Variants in FBXL5 observed in about 807,000 individuals in gnomAD.
FBXL5 encodes F-box/LRR-repeat protein 5.
In FBXL5, 26 loss-of-function variants were observed where a neutral mutation model predicts 78.3. The observed-to-expected ratio is 0.33, with a 90% CI of 0.24 to 0.46. FBXL5 has a LOEUF of 0.46. Among genes scored for constraint, FBXL5 ranks in the 20% least tolerant of loss-of-function variants. FBXL5 has a pLI of 1.00. For synonymous variants in FBXL5, 295 were observed against 282.5 expected, an observed-to-expected ratio of 1.04 and a Z score of -0.45; for missense variants, 710 against 829.2, an observed-to-expected ratio of 0.86 and a Z score of 1.77.
intron 6 of FBXL5, among the ~76,000 whole-genome samples, chr4:15,628,536 T>C (rs1199554690): frequency 6.6e-6 from 1 of 152,212 alleles, no homozygotes; most frequent in East Asian, 1.9e-4. Flanking sequence ...CACACTACAC[T>C]AAAAAGAATG....
intron 10 of FBXL5, among the ~76,000 whole-genome samples, chr4:15,609,729 A>C (rs1722114143): frequency 6.6e-6 from 1 of 152,074 alleles, no homozygotes; most frequent in Admixed American, 6.6e-5. Flanking sequence ...TTATCAAATA[A>C]ATTTAAAAGT....
chr4:15,649,578 C>CAA (rs34238482), intron 1 of FBXL5, among the ~76,000 whole-genome samples: 8,660 of 81,178 alleles, frequency 0.11, 404 homozygotes, highest in Non-Finnish European at 0.15. Flanking sequence ...GACTACGTCT[C>CAA]AAAAAAAAAA....
chr4:15,666,015 CCTT>C (rs1346427966), intron 1 of FBXL5, among the ~76,000 whole-genome samples: 2 of 138,922 alleles, frequency 1.4e-5, no homozygotes, highest in Non-Finnish European at 1.6e-5. Flanking sequence ...CTACTGACAA[CCTT>C]TTTTTAAAAA....
Position 15,612,403 on chromosome 4 carries a change from A to G in FBXL5, c.1862T>C (p.Leu621Pro). ...CTCCAAATAAGGCAGCCCTCCTCCC[A>G]GAGTCAAAACCCTGTAAGAAAAATA... Reference protein sequence around the residue: ...ITDHGLRVLTLGGGLPYLEHL... With the variant: ...ITDHGLRVLTPGGGLPYLEHL... Residue 621 changes from leucine (L) to proline (P), a missense_variant, in exon 10 of 11, where the codon CTG becomes CCG. By Grantham distance (98) the Leu-to-Pro change is moderately conservative. Around this residue, in one of 4 missense-constraint regions of FBXL5, gnomAD observed 58 missense variants for 112.3 expected, o/e 0.52. Coordinates refer to ENST00000341285, the MANE Select transcript of FBXL5 (RefSeq NM_012161.4). 1 of 1,609,356 alleles carries G rather than the reference A, an allele frequency of 6.2e-7. No homozygotes were observed. Among genetic ancestry groups the G allele is most frequent in the Non-Finnish European group, 8.5e-7 (1 of 1,178,230 alleles).
intron 1 of FBXL5, among the ~76,000 whole-genome samples, chr4:15,672,712 A>G (rs1717816785): frequency 6.6e-6 from 1 of 152,214 alleles, no homozygotes; most frequent in Non-Finnish European, 1.5e-5. Flanking sequence ...TAGACTTTAT[A>G]AACACTGCAC....
At chr4:15,673,931 G>C (rs575017908) in intron 1 of FBXL5, among the ~76,000 whole-genome samples, 1 of 152,310 alleles carries the variant, frequency 6.6e-6, no homozygotes, top group South Asian at 2.1e-4. Context: ...ATTGATCAAG[G>C]TTCACTGTCC....
At chr4:15,624,728 C>G (rs1295896259) in intron 9 of FBXL5, among the ~76,000 whole-genome samples, 2 of 151,598 alleles carry the variant, frequency 1.3e-5, no homozygotes, top group East Asian at 3.9e-4. Flanking sequence ...AGAAGGTAAG[C>G]TGATCATGAT....
intron 5 of FBXL5, 123 bp from the exon 6 acceptor site, chr4:15,630,914 A>C (rs181766104): frequency 8.0e-7 from 1 of 1,250,156 alleles, no homozygotes; most frequent in Non-Finnish European, 1.1e-6. Context: ...CTAGGCAATA[A>C]GCAACTGTTT....
intron 9 of FBXL5, 118 bp downstream of exon 9, chr4:15,625,134 G>T: frequency 8.6e-7 from 1 of 1,157,950 alleles, no homozygotes; most frequent in South Asian, 1.7e-5. Flanking sequence ...GGCAGATCTT[G>T]GTTAATCCTT....
At chr4:15,678,337 TACTC>T (rs1718068957) in intron 1 of FBXL5, among the ~76,000 whole-genome samples, 1 of 152,212 alleles carries the variant, frequency 6.6e-6, no homozygotes, top group African/African-American at 2.4e-5. Context: ...CCCAATAACT[TACTC>T]AGAATTTGGC....
chr4:15,605,878 A>C, intron 10 of FBXL5, 79 bp from the exon 11 acceptor site: 2 of 1,022,634 alleles, frequency 2.0e-6, no homozygotes, highest in Non-Finnish European at 3.0e-6. Context: ...GAAGGAGTTA[A>C]ACATTCATTG....
chr4:15,654,588 T>G (rs933510159), intron 1 of FBXL5, among the ~76,000 whole-genome samples: 3 of 152,164 alleles, frequency 2.0e-5, no homozygotes, highest in African/African-American at 7.2e-5. Context: ...TAACGACACA[T>G]GAAGAGTGAA....
intron 5 of FBXL5, among the ~76,000 whole-genome samples, chr4:15,635,717 CA>C (rs1256106378): frequency 1.2e-4 from 18 of 145,728 alleles, no homozygotes; most frequent in Admixed American, 6.3e-4. Context: ...CGCGCCATTG[CA>C]CTCTTGCCTG....
intron 9 of FBXL5, among the ~76,000 whole-genome samples, chr4:15,622,703 T>C (rs1414161084): frequency 6.6e-6 from 1 of 152,228 alleles, no homozygotes; most frequent in African/African-American, 2.4e-5. Flanking sequence ...GCAAGAAATG[T>C]AGTAGGTGCT....
intron 1 of FBXL5, among the ~76,000 whole-genome samples, chr4:15,665,343 T>C (rs1029544026): frequency 6.6e-6 from 1 of 152,124 alleles, no homozygotes. Context: ...CAAGGCAAAC[T>C]TGAGGTACAG....
At chr4:15,618,054 G>C (rs1011932387) in intron 9 of FBXL5, among the ~76,000 whole-genome samples, 1 of 152,236 alleles carries the variant, frequency 6.6e-6, no homozygotes, top group Non-Finnish European at 1.5e-5. Context: ...ATAAAGATGA[G>C]AGCAAAAATT....
intron 1 of FBXL5, among the ~76,000 whole-genome samples, chr4:15,648,302 C>T (rs1186974714): frequency 6.6e-6 from 1 of 152,020 alleles, no homozygotes; most frequent in African/African-American, 2.4e-5. Flanking sequence ...ATTGGTACAG[C>T]CATTATGGAA....
At chr4:15,677,279 T>C (rs1718029482) in intron 1 of FBXL5, among the ~76,000 whole-genome samples, 1 of 152,210 alleles carries the variant, frequency 6.6e-6, no homozygotes, top group Admixed American at 6.5e-5. Context: ...AAAAATATAT[T>C]TATTCTTTGT....
intron 4 of FBXL5, among the ~76,000 whole-genome samples, chr4:15,638,153 C>T (rs547616069): frequency 1.1e-4 from 17 of 152,148 alleles, no homozygotes; most frequent in Non-Finnish European, 2.1e-4. Flanking sequence ...AGGATGATAT[C>T]GCAAAAGTGC....
Sources: allele counts gnomAD v4.1 joint callset (sites outside exome capture counted in the v4.1 genomes callset), GRCh38; gene constraint gnomAD v4.1.1; regional missense constraint gnomAD v4.1.1; transcripts MANE v1.5; gene names NCBI Gene and HGNC (gene_info 2026-07-23, HGNC 2026-07-21).